ALS2: variants seen among roughly 807,000 people sequenced by gnomAD.
ALS2 encodes alsin Rho guanine nucleotide exchange factor ALS2.
A neutral mutation model predicts 203.4 loss-of-function variants in ALS2; 117 were observed. The ratio of observed to expected loss-of-function variants is 0.58; its 90% confidence interval spans 0.50 to 0.67. The LOEUF (loss-of-function observed/expected upper bound fraction) is 0.67, where lower values mean the gene tolerates loss of function less well. ALS2 is among the 30% of genes least tolerant of loss of function. ALS2 has a pLI of 0.00. For missense variants in ALS2, 1,715 were observed against 1,989.4 expected (o/e 0.86, Z 2.62); for synonymous variants, 718 against 725.9 (o/e 0.99, Z 0.17).
chr2:201,727,148 T>C, intron 17 of ALS2, 64 bp downstream of exon 17: 1 of 1,372,372 alleles, frequency 7.3e-7, no homozygotes, highest in Non-Finnish European at 1.0e-6. Flanking sequence ...TATTTCTTCT[T>C]TATTACACAA....
At chr2:201,705,618 A>C (rs1031889194) in intron 29 of ALS2, among the ~76,000 whole-genome samples, 157 bp from the exon 30 acceptor site, 1 of 152,248 alleles carries the variant, frequency 6.6e-6, no homozygotes. Flanking sequence ...AAGTGATTTA[A>C]GAGTTTTTAT....
At chr2:201,724,769 G>A (rs1410165074) in intron 20 of ALS2, among the ~76,000 whole-genome samples, 1 of 152,074 alleles carries the variant, frequency 6.6e-6, no homozygotes, top group Non-Finnish European at 1.5e-5. Context: ...AATCCTATAT[G>A]TCTTATTATA....
chr2:201,756,149 A>T (rs905332712), intron 5 of ALS2, among the ~76,000 whole-genome samples: 2 of 152,182 alleles, frequency 1.3e-5, no homozygotes, highest in Non-Finnish European at 2.9e-5. Flanking sequence ...TGATGTAATG[A>T]TATGAAAAAA....
chr2:201,755,490 T>C (rs1330764127), intron 5 of ALS2, among the ~76,000 whole-genome samples: 1 of 152,210 alleles, frequency 6.6e-6, no homozygotes, highest in Non-Finnish European at 1.5e-5. Flanking sequence ...CTCAAACTCC[T>C]GATCTCAAGT....
At chr2:201,727,677 G>A (rs1446143844) in intron 16 of ALS2, 28 bp downstream of exon 16, 2 of 1,538,094 alleles carry the variant, frequency 1.3e-6, no homozygotes, top group African/African-American at 1.4e-5. Flanking sequence ...CTTGGACGGG[G>A]TGGGGTGGGG....
intron 10 of ALS2, among the ~76,000 whole-genome samples, chr2:201,742,114 T>C (rs1227071150): frequency 6.6e-6 from 1 of 152,084 alleles, no homozygotes; most frequent in Non-Finnish European, 1.5e-5. Context: ...ACTCTCCAGG[T>C]GATTTTAAAG....
chr2:201,747,672 G>A (rs956717445), intron 8 of ALS2, among the ~76,000 whole-genome samples: 52 of 151,992 alleles, frequency 3.4e-4, no homozygotes, highest in East Asian at 5.8e-4. Context: ...GATGGTCTCG[G>A]TCTCCTGACC....
intron 11 of ALS2, chr2:201,741,056 TA>T (rs1419476162): frequency 6.5e-6 from 1 of 154,124 alleles, no homozygotes; most frequent in South Asian, 2.0e-4. Context: ...TACATTAAAA[TA>T]ACACTTAAAT....
chr2:201,758,759 C>CGCGTGT lies in ALS2; in HGVS notation c.1114-1001_1114-1000insACACGC, dbSNP rs74613232. Among the ~76,000 whole-genome samples the CGCGTGT allele has an allele frequency of 8.5e-3, 1,129 of 132,054 alleles. 10 individuals carry two copies. Among genetic ancestry groups the CGCGTGT allele is most frequent in the African/African-American group, 0.022 (696 of 31,194 alleles). 86.6% of individuals were successfully genotyped at this position (132,054 alleles called of 152,430 possible). A position where few individuals can be genotyped will look rare whatever the true frequency, so the allele number is the denominator to read the frequency against. On this transcript the variant is annotated intron_variant, in intron 4 of 33. Coordinates refer to ENST00000264276, the MANE Select transcript of ALS2 (RefSeq NM_020919.4). ...TACAAATATAATGTGTGTGTGTGCG[C>CGCGTGT]ATGTGTGTGTGTGTGTGTGTGTGTG...
At chr2:201,754,479 T>C (rs1386616248) in intron 6 of ALS2, 24 bp downstream of exon 6, 1 of 1,613,922 alleles carries the variant, frequency 6.2e-7, no homozygotes, top group Non-Finnish European at 8.5e-7. Flanking sequence ...CCAACTTCTA[T>C]CGGTAAATGT....
At chr2:201,705,276 A>C (rs779465393) in intron 30 of ALS2, 76 bp from the exon 31 acceptor site, 301 of 1,480,572 alleles carry the variant, frequency 2.0e-4, no homozygotes, top group Non-Finnish European at 2.8e-4. Flanking sequence ...CTGATGTCAG[A>C]GTGCAGGTCT....
chr2:201,726,417 C>CA (rs1691166932), intron 19 of ALS2, 67 bp downstream of exon 19: 6 of 1,388,534 alleles, frequency 4.3e-6, no homozygotes, highest in Non-Finnish European at 5.1e-6. Context: ...GCTCTGCATA[C>CA]AAAATAACAT....
At chr2:201,768,734 TAACTACAA>T (rs1266166318) in intron 2 of ALS2, 124 bp downstream of exon 2, 2 of 827,244 alleles carry the variant, frequency 2.4e-6, no homozygotes, top group African/African-American at 3.4e-5. Context: ...ACCAACGAAC[TAACTACAA>T]ATGTCACTAT....
Position 201,741,738 on chromosome 2 carries a change from C to A in ALS2, c.2287G>T (p.Val763Leu). The change falls in exon 11 of 34, where the codon GTA (valine) becomes TTA (leucine). Residue 763 changes from valine to leucine, a missense_variant. This residue lies in a region of ALS2 where 1,227 missense variants were observed against 1,413.5 expected (regional missense o/e 0.87). Transcript: ENST00000264276. Reference sequence around the variant, plus strand: ...ATGACCAAACTCCTGGCTTCCTTTACCCCATGAAGGAAGCTGCTCAATGAG... The same window carrying A: ...ATGACCAAACTCCTGGCTTCCTTTAACCCATGAAGGAAGCTGCTCAATGAG... ...GASLSSFLHG[V>L]KEARSLVILK... 3 of 1,614,026 alleles carry A rather than the reference C, an allele frequency of 1.9e-6. No individual in the cohort carries two copies. Among genetic ancestry groups the A allele is most frequent in the Non-Finnish European group, 2.5e-6 (3 of 1,179,958 alleles).
rs143220296 is a variant in ALS2 at position 201,764,906 on chromosome 2, T to C, written c.175+2323A>G. On this transcript the variant is annotated intron_variant, in intron 3 of 33. Transcript: ENST00000264276. ...GACACTGCTTAAACATGAATAACGA[T>C]AGGCTATTTAAATATTTTTGAAAAG... Among the ~76,000 whole-genome samples, 26 of 152,310 alleles carry C rather than the reference T, an allele frequency of 1.7e-4. No homozygotes were observed. The East Asian group carries it at 4.6e-3, about 27-fold the overall frequency.
intron 24 of ALS2, among the ~76,000 whole-genome samples, chr2:201,717,271 C>A (rs556337584): frequency 6.6e-6 from 1 of 151,946 alleles, no homozygotes; most frequent in East Asian, 1.9e-4. Context: ...TCGAGACCAG[C>A]CTGGCCAACA....
Position 201,761,816 on chromosome 2 carries a change from C to T in ALS2, c.178G>A (p.Gly60Ser), listed in dbSNP as rs1394871648. Residue 60 changes from glycine to serine, a missense_variant and splice_region_variant, in exon 4 of 34, where the codon GGT (glycine) becomes AGT (serine). Physicochemically the swap from Gly to Ser is moderately conservative, Grantham distance 56. Coordinates refer to ENST00000264276, the MANE Select transcript of ALS2 (RefSeq NM_020919.4). Reference protein sequence around the residue: ...VKHGVLLTEDGEVYSFGTLPW... With the variant: ...VKHGVLLTEDSEVYSFGTLPW... Reference sequence around the variant, plus strand: ...AGAGTCCCAAAGCTGTAGACCTCACCATCTGAAGGTTAAAAAAAAGAAAAA... The same window carrying T: ...AGAGTCCCAAAGCTGTAGACCTCACTATCTGAAGGTTAAAAAAAAGAAAAA... 2 of 1,612,542 alleles carry T rather than the reference C, an allele frequency of 1.2e-6. No individual in the cohort carries two copies. Among genetic ancestry groups the T allele is most frequent in the African/African-American group, 2.7e-5 (2 of 74,622 alleles).
At position 201,705,132 on chromosome 2, in the gene ALS2, A is replaced by C. The variant is rs1294562740; in HGVS notation, c.4688+7T>G. The C allele has an allele frequency of 6.2e-7, 1 of 1,613,756 alleles. No individual in the cohort carries two copies. The highest frequency in any genetic ancestry group is 1.7e-5 in the Admixed American group (1 of 60,006). On this transcript the variant is annotated splice_region_variant and intron_variant, in intron 31 of 33. Transcript: ENST00000264276. ...TTTGTATGGCTTTTCAACAAATCAG[A>C]GATTACCTGATCTGCTGCAGACATT...
rs1171809371 is a variant in ALS2, at chr2:201,724,291, G to C, written c.3512+4C>G. The C allele has an allele frequency of 1.2e-6, 2 of 1,612,228 alleles. No individual in the cohort carries two copies. Among genetic ancestry groups the C allele is most frequent in the East Asian group, 2.2e-5 (1 of 44,856 alleles). ...ACTGTGGGAATAGAAGGAGAATACT[G>C]TACCTAGTGATATCATCAAAGACAC... On this transcript the variant is annotated splice_donor_region_variant and intron_variant, in intron 21 of 33. Transcript: ENST00000264276.
Sources: allele counts gnomAD v4.1 joint callset (sites outside exome capture counted in the v4.1 genomes callset), GRCh38; gene constraint gnomAD v4.1.1; regional missense constraint gnomAD v4.1.1; transcripts MANE v1.5; gene names NCBI Gene and HGNC (gene_info 2026-07-23, HGNC 2026-07-21).